Variants in RAPGEFL1 observed in about 807,000 individuals in gnomAD.
The protein encoded by RAPGEFL1 is Rap guanine nucleotide exchange factor like 1.
In RAPGEFL1, 31 loss-of-function variants were observed where a neutral mutation model predicts 64.4. The observed-to-expected ratio is 0.48, with a 90% CI of 0.36 to 0.65. The LOEUF (loss-of-function observed/expected upper bound fraction) is 0.65. Ranked by LOEUF, RAPGEFL1 falls within the 30% of genes least tolerant of loss-of-function variation. The probability of loss-of-function intolerance (pLI) is 0.00; values close to 1 mark genes in which losing one functional copy is unlikely to be tolerated. For missense variants in RAPGEFL1, 682 were observed against 677.4 expected, an observed-to-expected ratio of 1.01 and a Z score of -0.08; for synonymous variants, 331 against 274.1, an observed-to-expected ratio of 1.21 and a Z score of -2.05.
rs56205991 is a variant in RAPGEFL1, at chr17:40,194,232, CGTGTGTGTGTGTGTGTGT to C, written c.*485_*502del. ...GGGACCCCCAGGAATATTATGTTGCCGTGTGTGTGTGTGTGTGTGTGTGTGTGTGTGTGTGTGTGTGTG... is the reference window on the plus strand; with the variant it reads ...GGGACCCCCAGGAATATTATGTTGCCGTGTGTGTGTGTGTGTGTGTGTGTG... On this transcript the variant is annotated 3_prime_UTR_variant, in exon 15 of 15. Transcript: ENST00000620260. 577 of 125,082 alleles carry C rather than the reference CGTGTGTGTGTGTGTGTGT, an allele frequency of 4.6e-3. 4 individuals carry two copies. Among genetic ancestry groups the C allele is most frequent in the African/African-American group, 7.8e-3 (215 of 27,432 alleles). 7.7% of individuals were successfully genotyped at this position (125,082 alleles called of 1,614,324 possible). A position where few individuals can be genotyped will look rare whatever the true frequency, so the allele number is the denominator to read the frequency against.
chr17:40,195,088 A>G lies in RAPGEFL1; in HGVS notation c.*1300A>G, dbSNP rs1990415869. The G allele has an allele frequency of 6.6e-6, 1 of 152,602 alleles. No individual in the cohort carries two copies. The highest frequency in any genetic ancestry group is 1.5e-5 in the Non-Finnish European group (1 of 68,050). The allele number at this position is 152,602 out of a possible 1,614,324, so 9.5% of individuals were successfully genotyped here. ...AAGAGACAGCAACAGCCGTAGCAAA[A>G]GCAGCTGCTGCTCCTGCTATGAGGG... On this transcript the variant is annotated 3_prime_UTR_variant, in exon 15 of 15. Transcript: ENST00000620260.
rs142676280 is a variant in RAPGEFL1 at position 40,193,683 on chromosome 17, C to T, written c.1884C>T (p.Ser628=). ...CACTAGGCCTGGACATGGAGGCATC[C>T]CCCAATCACCTGCAGACCAAGGCCT... ...SRPLCLDMEA[S]PNHLQTKAYV... is the part of the protein sequence containing the mutation. Residue 628 remains serine (S), a synonymous_variant, in exon 15 of 15, where the codon TCC becomes TCT. Coordinates refer to ENST00000620260, the MANE Select transcript of RAPGEFL1 (RefSeq NM_016339.6). 6.2e-7 allele frequency: 1 copy of T among 1,614,016 alleles called. No individual in the cohort carries two copies. The highest frequency in any genetic ancestry group is 8.5e-7 in the Non-Finnish European group (1 of 1,180,016).
At chr17:40,190,968 G>C in intron 8 of RAPGEFL1, 4 of 683,262 alleles carry the variant, frequency 5.9e-6, no homozygotes, top group Non-Finnish European at 9.6e-6. Context: ...CCCAAGTGCT[G>C]TTTACACAGA....
chr17:40,180,106 A>T (rs1298268197), intron 1 of RAPGEFL1, among the ~76,000 whole-genome samples: 1 of 152,158 alleles, frequency 6.6e-6, no homozygotes. Flanking sequence ...CCTTTGCTCC[A>T]GCTTAGGAAT....
chr17:40,189,593 CAGG>C (rs1381695425), intron 6 of RAPGEFL1, among the ~76,000 whole-genome samples: 5 of 152,170 alleles, frequency 3.3e-5, no homozygotes, highest in Non-Finnish European at 5.9e-5. Flanking sequence ...GAGGCTGAGG[CAGG>C]AGGATTGCTT....
rs1567689388 is a variant in RAPGEFL1, at chr17:40,178,045, C to A, written c.184C>A (p.Leu62Met). The A allele has an allele frequency of 1.7e-6, 1 of 594,578 alleles. No individual in the cohort carries two copies. The allele number at this position is 594,578 out of a possible 1,614,324, so 36.8% of individuals were successfully genotyped here. ...SLQRRQSVSR[L>M]LLPAFLREPP... ...GCAGCGGCGTCAGAGCGTGTCTCGC[C>A]TGCTGCTCCCCGCTTTCCTCCGGGA... Residue 62 changes from leucine (L) to methionine (M), a missense_variant, in exon 1 of 15, where the codon CTG becomes ATG. Physicochemically the swap from Leu to Met is conservative, Grantham distance 15. Transcript: ENST00000620260.
rs1403484802 is a variant in RAPGEFL1 at position 40,191,688 on chromosome 17, C to A, written c.1605+16C>A. The A allele has an allele frequency of 6.2e-7, 1 of 1,602,742 alleles. No individual in the cohort carries two copies. Among genetic ancestry groups the A allele is most frequent in the Non-Finnish European group, 8.5e-7 (1 of 1,174,832 alleles). On this transcript the variant is annotated intron_variant, in intron 10 of 14. Transcript: ENST00000620260. This position sits in a 1 kb window ranked among gnomAD's most constrained non-coding sequence, Gnocchi z 5.1. Reference sequence around the variant, plus strand: ...CACCTGGGAGGTGATGAGACCCCTCCCGTTCCTACCTGGGAATCTGGGCAT... The same window carrying A: ...CACCTGGGAGGTGATGAGACCCCTCACGTTCCTACCTGGGAATCTGGGCAT...
rs774554474 is a variant in RAPGEFL1, at chr17:40,188,863, C to T, written c.834-3C>T. 2 of 1,613,770 alleles carry T rather than the reference C, an allele frequency of 1.2e-6. No individual in the cohort carries two copies. Among genetic ancestry groups the T allele is most frequent in the Non-Finnish European group, 8.5e-7 (1 of 1,179,734 alleles). On this transcript the variant is annotated splice_polypyrimidine_tract_variant and splice_region_variant and intron_variant, in intron 4 of 14. Coordinates refer to ENST00000620260, the MANE Select transcript of RAPGEFL1 (RefSeq NM_016339.6). ...TGCTGATGCCCAGCTGTGTCCATGC[C>T]AGGATTCCAGAGGAGAACCAGCCAC...
At chr17:40,181,803 C>T (rs1263917465) in intron 2 of RAPGEFL1, 109 bp downstream of exon 2, 2 of 646,058 alleles carry the variant, frequency 3.1e-6, no homozygotes, top group African/African-American at 1.8e-5. Context: ...TACCTGGGGC[C>T]GAGTGCAGTG....
Position 40,191,244 on chromosome 17 carries a change from G to T in RAPGEFL1, c.1336-72G>T. ...CCTGCCTTTCGCTCCTCATCGCCTT[G>T]CACTGCCATCTTCCCACCCACTCCC... is the stretch of plus-strand genomic sequence containing the variant. On this transcript the variant is annotated intron_variant, in intron 8 of 14. Transcript: ENST00000620260. The surrounding 1 kb of genome is among the most constrained non-coding windows in gnomAD (Gnocchi z 5.1). 2 of 1,348,706 alleles carry T rather than the reference G, an allele frequency of 1.5e-6. No individual in the cohort carries two copies. Among genetic ancestry groups the T allele is most frequent in the South Asian group, 1.4e-5 (1 of 69,496 alleles). The allele number at this position is 1,348,706 out of a possible 1,614,324, so 83.5% of individuals were successfully genotyped here.
chr17:40,183,518 CTTT>C (rs760848897), intron 2 of RAPGEFL1, among the ~76,000 whole-genome samples: 4,503 of 130,086 alleles, frequency 0.035, 232 homozygotes, highest in African/African-American at 0.12. Context: ...CTTTTCTTTT[CTTT>C]TTTTTTTTTT....
intron 5 of RAPGEFL1, 89 bp downstream of exon 5, chr17:40,189,067 C>T: frequency 6.8e-7 from 1 of 1,474,200 alleles, no homozygotes; most frequent in Non-Finnish European, 9.5e-7. Flanking sequence ...TGGCATCTCC[C>T]TGGGTGGTAG....
rs1471126819 is a variant in RAPGEFL1 at position 40,177,794 on chromosome 17, G to A, written c.-68G>A. 1.5e-5 allele frequency: 6 copies of A among 407,600 alleles called. No individual in the cohort carries two copies. Among genetic ancestry groups the A allele is most frequent in the African/African-American group, 8.3e-5 (4 of 48,082 alleles). The allele number at this position is 407,600 out of a possible 1,614,324, so 25.2% of individuals were successfully genotyped here. A position where few individuals can be genotyped will look rare whatever the true frequency, so the allele number is the denominator to read the frequency against. Reference sequence around the variant, plus strand: ...CAGCTCTGAGCATCGTGTCTTCGCCGCCCCCCCCGCCCGCGCCTGGGATAC... The same window carrying A: ...CAGCTCTGAGCATCGTGTCTTCGCCACCCCCCCCGCCCGCGCCTGGGATAC... On this transcript the variant is annotated 5_prime_UTR_variant, in exon 1 of 15. Transcript: ENST00000620260.
At position 40,191,495 on chromosome 17, in the gene RAPGEFL1, G is replaced by C. The variant is rs769926415; in HGVS notation, c.1514+1G>C. On this transcript the variant is annotated splice_donor_variant, in intron 9 of 14. Coordinates refer to ENST00000620260, the MANE Select transcript of RAPGEFL1 (RefSeq NM_016339.6). LOFTEE classifies it high-confidence loss of function. This position sits in a 1 kb window ranked among gnomAD's most constrained non-coding sequence, Gnocchi z 5.1. ...AGAAGTTCATCAAGATCGCGGCCCT[G>C]TGAGTGCGGCCGTCGGCGGGATGGG... The C allele has an allele frequency of 6.2e-7, 1 of 1,601,790 alleles. No individual in the cohort carries two copies. Among genetic ancestry groups the C allele is most frequent in the Non-Finnish European group, 8.5e-7 (1 of 1,176,204 alleles).
Position 40,191,951 on chromosome 17 carries a change from CCA to C in RAPGEFL1, c.1606-258_1606-257del, listed in dbSNP as rs2145225234. Among the ~76,000 whole-genome samples the C allele has an allele frequency of 6.6e-6, 1 of 152,344 alleles. No homozygotes were observed. The highest frequency in any genetic ancestry group is 2.4e-5 in the African/African-American group (1 of 41,584). ...CTGTGGGAGTTGGGCTGATTTTCAT[CCA>C]CACTCAGTGGGGGCATCTTTATACA... On this transcript the variant is annotated intron_variant, in intron 10 of 14. Transcript: ENST00000620260. This position sits in a 1 kb window ranked among gnomAD's most constrained non-coding sequence, Gnocchi z 5.1.
intron 1 of RAPGEFL1, among the ~76,000 whole-genome samples, chr17:40,180,046 A>C (rs931882568): frequency 6.6e-6 from 1 of 152,180 alleles, no homozygotes; most frequent in African/African-American, 2.4e-5. Flanking sequence ...CAGATGCCCA[A>C]CTGTGGCCCC....
intron 2 of RAPGEFL1, among the ~76,000 whole-genome samples, chr17:40,183,820 C>CT (rs754031449): frequency 0.027 from 2,518 of 94,948 alleles, 48 homozygotes; most frequent in South Asian, 0.057. Flanking sequence ...CGCGCCTGGC[C>CT]TTTTTTTTTT....
chr17:40,189,511 C>T (rs924169475), intron 6 of RAPGEFL1, 136 bp downstream of exon 6: 7 of 986,204 alleles, frequency 7.1e-6, no homozygotes, highest in South Asian at 3.2e-5. Flanking sequence ...TCATGTGCAT[C>T]GCCTGGGAAC....
In RAPGEFL1 at chr17:40,191,561, C is replaced by T. The variant is rs1188230792; in HGVS notation, c.1515-21C>T. On this transcript the variant is annotated intron_variant, in intron 9 of 14. Transcript: ENST00000620260. The surrounding 1 kb of genome is among the most constrained non-coding windows in gnomAD (Gnocchi z 5.1). ...GGCCCGCGCCGCCGCCCGCCCCTGA[C>T]CCCGCCTCCCACCCCCGCAGCTGCA... 1 of 1,581,370 alleles carries T rather than the reference C, an allele frequency of 6.3e-7. No homozygotes were observed. The highest frequency in any genetic ancestry group is 8.6e-7 in the Non-Finnish European group (1 of 1,165,082).
Sources: allele counts gnomAD v4.1 joint callset (sites outside exome capture counted in the v4.1 genomes callset), GRCh38; gene constraint gnomAD v4.1.1; non-coding constraint Gnocchi (gnomAD v3.1); transcripts MANE v1.5; gene names NCBI Gene and HGNC (gene_info 2026-07-23, HGNC 2026-07-21).